The following WDR27 variants were observed in gnomAD, a reference collection of about 807,000 sequenced individuals.
WDR27 encodes the protein WD repeat-containing protein 27.
Under a neutral mutation model 114.4 loss-of-function variants are expected in WDR27, and 100 were observed. The ratio of observed to expected loss-of-function variants is 0.87; its 90% CI spans 0.74 to 1.03. The LOEUF is 1.03. Ranked by LOEUF, WDR27 falls within the 50% of genes least tolerant of loss-of-function variation. The pLI is 0.00. For synonymous variants in WDR27, 449 were observed against 423.1 expected, an observed-to-expected ratio of 1.06 and a Z score of -0.75; for missense variants, 1,129 against 1,092.9, an observed-to-expected ratio of 1.03 and a Z score of -0.47.
At chr6:169,452,599 GA>G, downstream of WDR27, among the ~76,000 whole-genome samples, 1 of 150,802 alleles carries the variant, frequency 6.6e-6, no homozygotes, top group Non-Finnish European at 1.5e-5. Flanking sequence ...GGTCAGAGAG[GA>G]GCTGAGTTCA....
downstream of WDR27, among the ~76,000 whole-genome samples, chr6:169,452,546 CA>C (rs1784197345): frequency 1.5e-5 from 2 of 134,360 alleles, no homozygotes; most frequent in African/African-American, 6.6e-5. Flanking sequence ...TGCGTGGGGT[CA>C]GAGAGGAGCC....
intron 19 of WDR27, 26 bp from the exon 20 acceptor site, chr6:169,634,551 A>C (rs1817214460): frequency 1.9e-6 from 3 of 1,550,292 alleles, no homozygotes; most frequent in African/African-American, 1.4e-5. Flanking sequence ...AAGATGATCA[A>C]TATTTTTGCT....
intron 6 of WDR27, chr6:169,666,453 CTCT>C (rs1827849061): frequency 2.0e-6 from 2 of 985,496 alleles, no homozygotes; most frequent in African/African-American, 1.7e-5. Context: ...TTCCCTAACT[CTCT>C]TCTTCTGGGA....
the WDR27 span, among the ~76,000 whole-genome samples, chr6:169,446,149 C>T: frequency 6.6e-6 from 1 of 152,250 alleles, no homozygotes; most frequent in Non-Finnish European, 1.5e-5. Flanking sequence ...CAGTTCAGCA[C>T]AGAGGAGCAG....
chr6:169,659,530 C>T lies in WDR27; in HGVS notation c.1130-12G>A, dbSNP rs146576456. The T allele has an allele frequency of 3.8e-4, 602 of 1,604,928 alleles. No homozygotes were observed. In the African/African-American group the frequency reaches 6.4e-3, roughly 17 times the overall value. On this transcript the variant is annotated splice_polypyrimidine_tract_variant and intron_variant, in intron 10 of 25. Transcript: ENST00000448612. This position sits in a 1 kb window ranked among gnomAD's most constrained non-coding sequence, Gnocchi z 4.3. Reference sequence around the variant, plus strand: ...GAGGCTCTGGAAATCTTCAGTTGAGCGAAGACCAGGAAGAACATGATGGGG... The same window carrying T: ...GAGGCTCTGGAAATCTTCAGTTGAGTGAAGACCAGGAAGAACATGATGGGG...
At chr6:169,459,285 T>A (rs1784636717) in intron 25 of WDR27, among the ~76,000 whole-genome samples, 1 of 151,862 alleles carries the variant, frequency 6.6e-6, no homozygotes, top group African/African-American at 2.4e-5. Flanking sequence ...ACAAAAAAAT[T>A]TTCAAGCTAA....
chr6:169,557,092 C>T (rs911580873), intron 25 of WDR27, among the ~76,000 whole-genome samples: 7 of 152,080 alleles, frequency 4.6e-5, no homozygotes, highest in African/African-American at 1.7e-4. Flanking sequence ...AACAGCTGTA[C>T]AAGAATTTTT....
chr6:169,673,891 G>T (rs1277803957), intron 2 of WDR27, among the ~76,000 whole-genome samples: 1 of 152,168 alleles, frequency 6.6e-6, no homozygotes, highest in East Asian at 1.9e-4. Flanking sequence ...AGGTGAGAGG[G>T]ATGAGCATGC....
At chr6:169,607,806 A>G (rs949840774) in intron 22 of WDR27, among the ~76,000 whole-genome samples, 1 of 152,232 alleles carries the variant, frequency 6.6e-6, no homozygotes, top group East Asian at 1.9e-4. Context: ...AATAATCACT[A>G]GAAAATGGAT....
intron 21 of WDR27, among the ~76,000 whole-genome samples, chr6:169,618,950 C>T (rs1238454137): frequency 6.6e-6 from 1 of 152,112 alleles, no homozygotes; most frequent in East Asian, 1.9e-4. Flanking sequence ...CATCAAATAC[C>T]ATTCAGATGT....
chr6:169,552,255 C>T (rs1584159011), intron 25 of WDR27, among the ~76,000 whole-genome samples: 1 of 152,292 alleles, frequency 6.6e-6, no homozygotes, highest in South Asian at 2.1e-4. Context: ...CCCCCCACTT[C>T]CTTCCGTTTA....
intron 1 of WDR27, among the ~76,000 whole-genome samples, chr6:169,689,863 TGAGG>T (rs1381945659): frequency 4.6e-5 from 7 of 152,226 alleles, no homozygotes; most frequent in African/African-American, 1.7e-4. Context: ...GGCCCACCCA[TGAGG>T]CCCTCACACT....
At chr6:169,567,528 G>A (rs967630993) in intron 25 of WDR27, among the ~76,000 whole-genome samples, 3 of 152,258 alleles carry the variant, frequency 2.0e-5, no homozygotes, top group Admixed American at 2.0e-4. Context: ...AGCAAAAGAT[G>A]AGAACTTCAC....
rs1225959764 is a variant in WDR27, at chr6:169,554,152, A to T, written c.2645+18267T>A. Among the ~76,000 whole-genome samples, 2 of 152,228 alleles carry T rather than the reference A, an allele frequency of 1.3e-5. 1 individual carries two copies. Among genetic ancestry groups the T allele is most frequent in the Non-Finnish European group, 2.9e-5 (2 of 68,046 alleles). On this transcript the variant is annotated intron_variant, in intron 25 of 25. Coordinates refer to ENST00000448612, the MANE Select transcript of WDR27 (RefSeq NM_182552.5). ...GGCAACTCAAGAAACCCAACAGCAAAGGGCAGAGCTGAGGCTAGAAGCGGG... is the reference window on the plus strand; with the variant it reads ...GGCAACTCAAGAAACCCAACAGCAATGGGCAGAGCTGAGGCTAGAAGCGGG...
the WDR27 span, among the ~76,000 whole-genome samples, chr6:169,441,337 A>G: frequency 2.6e-5 from 4 of 152,184 alleles, no homozygotes; most frequent in African/African-American, 9.7e-5. Flanking sequence ...GATCAGTAAC[A>G]TTTTCAGAAA....
At chr6:169,451,013 A>G in the WDR27 span, among the ~76,000 whole-genome samples, 3 of 152,196 alleles carry the variant, frequency 2.0e-5, no homozygotes, top group African/African-American at 7.2e-5. Context: ...TTCCTAAATA[A>G]GATAGCTACA....
intron 2 of WDR27, among the ~76,000 whole-genome samples, chr6:169,676,440 G>A (rs1478078360): frequency 1.3e-5 from 2 of 152,138 alleles, no homozygotes; most frequent in Admixed American, 6.5e-5. Flanking sequence ...CTCCAATTAT[G>A]TTTCTTTACC....
chr6:169,443,643 A>T, the WDR27 span, among the ~76,000 whole-genome samples: 224 of 152,304 alleles, frequency 1.5e-3, 3 homozygotes, highest in East Asian at 0.034. Flanking sequence ...CCTGGATGAC[A>T]CACATAGGCT....
intron 5 of WDR27, chr6:169,667,476 C>G: frequency 1.3e-6 from 1 of 786,184 alleles, no homozygotes; most frequent in South Asian, 5.8e-5. Flanking sequence ...ACTTGGTCAA[C>G]GCTGCCAAGA....
Sources: allele counts gnomAD v4.1 joint callset (sites outside exome capture counted in the v4.1 genomes callset), GRCh38; gene constraint gnomAD v4.1.1; non-coding constraint Gnocchi (gnomAD v3.1); transcripts MANE v1.5; gene names NCBI Gene and HGNC (gene_info 2026-07-23, HGNC 2026-07-21).